Variants in CDH22 observed in about 807,000 individuals in gnomAD.
CDH22 encodes the protein cadherin-22.
In CDH22, 30 loss-of-function variants were observed where a neutral mutation model predicts 58.4. That is an observed-to-expected ratio of 0.51 (90% CI 0.38 to 0.70). The LOEUF is 0.70. CDH22 is among the 30% of genes least tolerant of loss of function. The pLI is 0.00. For missense variants in CDH22, 1,014 were observed against 1,233.9 expected (o/e 0.82, Z 2.67); for synonymous variants, 513 against 558.2 (o/e 0.92, Z 1.14).
chr20:46,194,375 C>T (rs1455822931), intron 8 of CDH22, among the ~76,000 whole-genome samples: 1 of 152,220 alleles, frequency 6.6e-6, no homozygotes, highest in Non-Finnish European at 1.5e-5. Flanking sequence ...ACTCCTCATC[C>T]CTGTCCCTTT....
rs535321732 is a variant in CDH22, at chr20:46,186,481, A to T, written c.1663+107T>A. On this transcript the variant is annotated intron_variant, in intron 10 of 11. Transcript: ENST00000537909. Reference sequence around the variant, plus strand: ...GCCCAGACTTTCCATGTGATCTTAGATCCAACATAGGCCCTGTGGGCGCCT... The same window carrying T: ...GCCCAGACTTTCCATGTGATCTTAGTTCCAACATAGGCCCTGTGGGCGCCT... 3,342 of 789,258 alleles carry T rather than the reference A, an allele frequency of 4.2e-3. 9 individuals are homozygous for T. Among genetic ancestry groups the T allele is most frequent in the Non-Finnish European group, 5.4e-3 (2,589 of 481,724 alleles). 48.9% of individuals were successfully genotyped at this position (789,258 alleles called of 1,614,324 possible).
At chr20:46,282,807 G>C (rs2086557138) in intron 1 of CDH22, among the ~76,000 whole-genome samples, 1 of 152,166 alleles carries the variant, frequency 6.6e-6, no homozygotes, top group African/African-American at 2.4e-5. Flanking sequence ...TGCAGGCCTG[G>C]ACGCTGGAAC....
intron 1 of CDH22, among the ~76,000 whole-genome samples, chr20:46,255,082 C>G (rs1343292229): frequency 1.3e-5 from 2 of 152,116 alleles, no homozygotes; most frequent in African/African-American, 4.8e-5. Flanking sequence ...AGTGCAGTGG[C>G]GTGATTTCGG....
At chr20:46,219,628 T>C (rs898447082) in intron 4 of CDH22, among the ~76,000 whole-genome samples, 7 of 152,198 alleles carry the variant, frequency 4.6e-5, no homozygotes, top group Non-Finnish European at 7.3e-5. Context: ...TGGGGCAAGA[T>C]TGGTTGAGAA....
Position 46,300,488 on chromosome 20 carries a change from G to A in CDH22, c.-400+7767C>T, listed in dbSNP as rs527301935. Among the ~76,000 whole-genome samples, 25 of 152,208 alleles carry A rather than the reference G, an allele frequency of 1.6e-4. No individual in the cohort carries two copies. The highest frequency in any genetic ancestry group is 2.2e-4 in the Non-Finnish European group (15 of 68,012). On this transcript the variant is annotated intron_variant, in intron 1 of 11. Coordinates refer to ENST00000537909, the MANE Select transcript of CDH22 (RefSeq NM_021248.3). The surrounding 1 kb of genome is among the most constrained non-coding windows in gnomAD (Gnocchi z 4.4). Reference sequence around the variant, plus strand: ...CACTCTGCCCATCACACACACAAGCGCGCGTGTGCGTGCGCGTGCACACAC... The same window carrying A: ...CACTCTGCCCATCACACACACAAGCACGCGTGTGCGTGCGCGTGCACACAC...
At chr20:46,204,502 G>A (rs1054516971) in intron 7 of CDH22, among the ~76,000 whole-genome samples, 2 of 151,816 alleles carry the variant, frequency 1.3e-5, no homozygotes, top group African/African-American at 4.8e-5. Flanking sequence ...TCCTTAAGAT[G>A]GTTCTTGGTG....
intron 1 of CDH22, among the ~76,000 whole-genome samples, chr20:46,306,266 G>A (rs2086677179): frequency 6.6e-6 from 1 of 152,270 alleles, no homozygotes. Flanking sequence ...AGGCCTGGAT[G>A]TCAAGATGCC....
At chr20:46,274,914 G>A (rs139932909) in intron 1 of CDH22, among the ~76,000 whole-genome samples, 58 of 152,150 alleles carry the variant, frequency 3.8e-4, no homozygotes, top group Non-Finnish European at 6.9e-4. Context: ...GACAGAAAGC[G>A]AAAGAAATGG....
intron 2 of CDH22, among the ~76,000 whole-genome samples, chr20:46,246,051 C>G (rs1050274255): frequency 6.6e-6 from 1 of 152,096 alleles, no homozygotes; most frequent in Admixed American, 6.5e-5. Flanking sequence ...AACACAAGAG[C>G]GATGTTTTCT....
chr20:46,193,717 G>A (rs914075559), intron 8 of CDH22, among the ~76,000 whole-genome samples: 1 of 152,152 alleles, frequency 6.6e-6, no homozygotes, highest in African/African-American at 2.4e-5. Context: ...TCTGTTCTCA[G>A]AATGGCCTCA....
chr20:46,277,798 G>A (rs1271598899), intron 1 of CDH22, among the ~76,000 whole-genome samples: 1 of 152,056 alleles, frequency 6.6e-6, no homozygotes, highest in African/African-American at 2.4e-5. Flanking sequence ...AGGAGGGGGC[G>A]GGCACCAGAT....
intron 2 of CDH22, among the ~76,000 whole-genome samples, chr20:46,246,770 T>C (rs2086332432): frequency 6.6e-6 from 1 of 152,154 alleles, no homozygotes; most frequent in African/African-American, 2.4e-5. Flanking sequence ...GATGGTGCTG[T>C]TGCTAAGCTA....
chr20:46,237,625 G>T (rs1314774455), intron 3 of CDH22, among the ~76,000 whole-genome samples: 2 of 152,120 alleles, frequency 1.3e-5, no homozygotes, highest in Non-Finnish European at 2.9e-5. Context: ...GTTCCCAGCT[G>T]GTTCAAATTG....
intron 1 of CDH22, among the ~76,000 whole-genome samples, chr20:46,295,907 C>T (rs2086626842): frequency 1.3e-5 from 2 of 152,286 alleles, no homozygotes; most frequent in Non-Finnish European, 1.5e-5. Context: ...GGATTACAGT[C>T]GTGTGCTGCC....
intron 2 of CDH22, among the ~76,000 whole-genome samples, chr20:46,245,524 G>A (rs992523728): frequency 6.6e-6 from 1 of 152,150 alleles, no homozygotes; most frequent in Non-Finnish European, 1.5e-5. Flanking sequence ...TACAGGGGGT[G>A]GGAAAGTTGA....
chr20:46,262,248 C>A (rs2086436846), intron 1 of CDH22, among the ~76,000 whole-genome samples: 1 of 150,040 alleles, frequency 6.7e-6, no homozygotes, highest in African/African-American at 2.5e-5. Flanking sequence ...GGAGTGGGGG[C>A]AGGATATGCC....
At chr20:46,266,064 G>A (rs1211081211) in intron 1 of CDH22, among the ~76,000 whole-genome samples, 1 of 152,092 alleles carries the variant, frequency 6.6e-6, no homozygotes, top group Non-Finnish European at 1.5e-5. Context: ...CAGATTTTGG[G>A]TATGTGGCTC....
intron 4 of CDH22, among the ~76,000 whole-genome samples, chr20:46,218,477 A>C (rs2086101377): frequency 6.6e-6 from 1 of 152,164 alleles, no homozygotes; most frequent in African/African-American, 2.4e-5. Flanking sequence ...TACACTCACT[A>C]TGCTGTCACA....
chr20:46,295,427 CT>C (rs1485718770), intron 1 of CDH22, among the ~76,000 whole-genome samples: 1 of 152,184 alleles, frequency 6.6e-6, no homozygotes, highest in East Asian at 1.9e-4. Flanking sequence ...TAAAGAAACC[CT>C]TACATAGGGC....
Sources: allele counts gnomAD v4.1 joint callset (sites outside exome capture counted in the v4.1 genomes callset), GRCh38; gene constraint gnomAD v4.1.1; non-coding constraint Gnocchi (gnomAD v3.1); transcripts MANE v1.5; gene names NCBI Gene and HGNC (gene_info 2026-07-23, HGNC 2026-07-21).